The following MMP21 variants were observed in gnomAD, a reference collection of about 807,000 sequenced individuals.
The protein encoded by MMP21 is matrix metalloproteinase-21.
MMP21 carries 40 observed loss-of-function variants against 47.8 expected under a neutral mutation model. The ratio of observed to expected loss-of-function variants is 0.84; its 90% CI spans 0.65 to 1.09. MMP21 has a LOEUF of 1.09. Among genes scored for constraint, MMP21 ranks in the 50% least tolerant of loss-of-function variants. MMP21 has a pLI of 0.00. For missense variants in MMP21, 747 were observed against 775.3 expected (o/e 0.96, Z 0.43); for synonymous variants, 341 against 318.0 (o/e 1.07, Z -0.77).
In MMP21 at chr10:125,772,176, T is replaced by C. The variant is rs376540631; in HGVS notation, c.979+42A>G. 32 of 1,610,556 alleles carry C rather than the reference T, an allele frequency of 2.0e-5. No individual in the cohort carries two copies. The highest frequency in any genetic ancestry group is 6.7e-5 in the African/African-American group (5 of 74,868). On this transcript the variant is annotated intron_variant, in intron 4 of 6. Coordinates refer to ENST00000368808, the MANE Select transcript of MMP21 (RefSeq NM_147191.1). The surrounding 1 kb of genome is among the most constrained non-coding windows in gnomAD (Gnocchi z 5.6). ...GGTCCTACAGTGCTCTGGAATACAG[T>C]GTCCTCCGCTAGCTCAGGGATGCCC...
intron 1 of MMP21, 84 bp downstream of exon 1, chr10:125,775,576 C>G: frequency 6.8e-7 from 1 of 1,469,262 alleles, no homozygotes; most frequent in Non-Finnish European, 9.1e-7. Flanking sequence ...GGCATCCTGG[C>G]CTGTGCCTGT....
intron 5 of MMP21, among the ~76,000 whole-genome samples, chr10:125,769,507 C>G (rs924305702): frequency 6.6e-6 from 1 of 152,192 alleles, no homozygotes; most frequent in African/African-American, 2.4e-5. Flanking sequence ...CACTCCCAAC[C>G]CCACGGCTTC....
chr10:125,766,710 C>G lies in MMP21; in HGVS notation c.1662G>C (p.Glu554Asp), dbSNP rs781234870. The G allele has an allele frequency of 1.2e-6, 2 of 1,613,358 alleles. No individual in the cohort carries two copies. The highest frequency in any genetic ancestry group is 8.5e-7 in the Non-Finnish European group (1 of 1,179,868). Reference protein sequence around the residue: ...NGLFPKKFISEKWFDVCDVHI... With the variant: ...NGLFPKKFISDKWFDVCDVHI... ...GGACGTCACAAACATCAAACCACTT[C>G]TCTGAAATAAACTTTTTTGGAAATA... Residue 554 changes from glutamate (E) to aspartate (D), a missense_variant, in exon 7 of 7, where the codon GAG becomes GAC. Physicochemically the swap from Glu to Asp is conservative, Grantham distance 45 (BLOSUM62 2). Transcript: ENST00000368808.
rs370576985 is a variant in MMP21, at chr10:125,767,659, G to T, written c.1283C>A (p.Thr428Lys). The T allele has an allele frequency of 2.6e-5, 42 of 1,614,076 alleles. No individual in the cohort carries two copies. In the African/African-American group the frequency reaches 5.5e-4, roughly 21 times the overall value. ...ATAGCTTTTTCCTTGTTCATCTTCT[G>T]TGAGGGCCTGATCCTTGTCACTGTC... is the stretch of plus-strand genomic sequence containing the variant. ...RYDSDKDQAL[T>K]EDEQGKSYPK... Residue 428 changes from threonine to lysine, a missense_variant, in exon 6 of 7, where the codon ACA (threonine) becomes AAA (lysine). Physicochemically the swap from Thr to Lys is moderately conservative, Grantham distance 78. Transcript: ENST00000368808.
Position 125,772,897 on chromosome 10 carries a change from G to A in MMP21, c.698-147C>T, listed in dbSNP as rs1850468462. 1.2e-6 allele frequency: 1 copy of A among 811,506 alleles called. No individual in the cohort carries two copies. Among genetic ancestry groups the A allele is most frequent in the Non-Finnish European group, 1.9e-6 (1 of 520,630 alleles). The allele number at this position is 811,506 out of a possible 1,614,324, so 50.3% of individuals were successfully genotyped here. A position where few individuals can be genotyped will look rare whatever the true frequency, so the allele number is the denominator to read the frequency against. The stretch of plus-strand genomic sequence containing the variant: ...TGGATTAAGTCCTCAATGTGCGGAG[G>A]GTGGGAGACGGTTTGTTTGTAAACT... On this transcript the variant is annotated intron_variant, in intron 2 of 6. Transcript: ENST00000368808. The surrounding 1 kb of genome is among the most constrained non-coding windows in gnomAD (Gnocchi z 5.6).
In MMP21 at chr10:125,766,882, A is replaced by G. The variant is rs757238088; in HGVS notation, c.1490T>C (p.Ile497Thr). ...ATTTCTGAAAGGATGATTTTGTGGTATTACTGCTGGAAAAACTTCAGTAAT... is the reference window on the plus strand; with the variant it reads ...ATTTCTGAAAGGATGATTTTGTGGTGTTACTGCTGGAAAAACTTCAGTAAT... ...KRITEVFPAV[I>T]PQNHPFRNID... is the part of the protein sequence containing the mutation. Residue 497 changes from isoleucine to threonine, a missense_variant, in exon 7 of 7, where the codon ATA (isoleucine) becomes ACA (threonine). Transcript: ENST00000368808. 1.2e-6 allele frequency: 2 copies of G among 1,613,190 alleles called. No individual in the cohort carries two copies. The highest frequency in any genetic ancestry group is 2.7e-5 in the African/African-American group (2 of 74,924).
At chr10:125,768,158 CT>C (rs1564762046) in intron 5 of MMP21, among the ~76,000 whole-genome samples, 1 of 152,262 alleles carries the variant, frequency 6.6e-6, no homozygotes, top group South Asian at 2.1e-4. Flanking sequence ...AATCTAAGTT[CT>C]TTTTTTACTG....
At position 125,772,265 on chromosome 10, in the gene MMP21, G is replaced by A. The variant is rs766387306; in HGVS notation, c.932C>T (p.Ala311Val). Residue 311 changes from alanine (A) to valine (V), a missense_variant, in exon 4 of 7, where the codon GCC (alanine) becomes GTC (valine). Physicochemically the swap from Ala to Val is moderately conservative, Grantham distance 64 (BLOSUM62 0). Coordinates refer to ENST00000368808, the MANE Select transcript of MMP21 (RefSeq NM_147191.1). This position sits in a 1 kb window ranked among gnomAD's most constrained non-coding sequence, Gnocchi z 5.6. ...CCTGTCTGACCAGTCCAACTCAAAG[G>A]CAGGCTCCTGGGGAATGTAATTTGG... ...MQPNYIPQEP[A>V]FELDWSDRKA... The A allele has an allele frequency of 3.1e-6, 5 of 1,614,070 alleles. No individual in the cohort carries two copies. In the African/African-American group the frequency reaches 4.0e-5, roughly 13 times the overall value.
Position 125,774,143 on chromosome 10 carries a change from C to A in MMP21, c.385G>T (p.Ala129Ser). The change falls in exon 2 of 7, where the codon GCC becomes TCC. Residue 129 changes from alanine (A) to serine (S), a missense_variant. By Grantham distance (99) the Ala-to-Ser change is moderately conservative. Coordinates refer to ENST00000368808, the MANE Select transcript of MMP21 (RefSeq NM_147191.1). ...VPDMRPPPPS[A>S]PPSPPGPPPR... Reference sequence around the variant, plus strand: ...GGCGGGCCCGGGGGCGAAGGCGGGGCGGAGGGGGGCGGTGGGCGCATGTCC... The same window carrying A: ...GGCGGGCCCGGGGGCGAAGGCGGGGAGGAGGGGGGCGGTGGGCGCATGTCC... The A allele has an allele frequency of 7.8e-7, 1 of 1,278,036 alleles. No homozygotes were observed. The highest frequency in any genetic ancestry group is 9.8e-7 in the Non-Finnish European group (1 of 1,016,040). The allele number at this position is 1,278,036 out of a possible 1,614,324, so 79.2% of individuals were successfully genotyped here.
Position 125,773,999 on chromosome 10 carries a change from T to G in MMP21, c.529A>C (p.Ser177Arg). 1 of 1,553,316 alleles carries G rather than the reference T, an allele frequency of 6.4e-7. No individual in the cohort carries two copies. The highest frequency in any genetic ancestry group is 1.4e-5 in the African/African-American group (1 of 71,398). Residue 177 changes from serine to arginine, a missense_variant, in exon 2 of 7, where the codon AGC (serine) becomes CGC (arginine). Physicochemically the swap from Ser to Arg is moderately radical, Grantham distance 110. Coordinates refer to ENST00000368808, the MANE Select transcript of MMP21 (RefSeq NM_147191.1). This position sits in a 1 kb window ranked among gnomAD's most constrained non-coding sequence, Gnocchi z 4.8. The part of the protein sequence containing the change: ...AAQAFSKRTL[S>R]WRLLGEALSS... The stretch of plus-strand genomic sequence containing the variant: ...AGGGCCTCGCCCAGCAGCCGCCAGC[T>G]CAGCGTCCTCTTGGAGAAGGCCTGG...
intron 4 of MMP21, among the ~76,000 whole-genome samples, chr10:125,771,553 G>A (rs1306622359): frequency 6.6e-6 from 1 of 152,070 alleles, no homozygotes; most frequent in Non-Finnish European, 1.5e-5. Flanking sequence ...ACAGGCGTGT[G>A]CCACCATGTC....
At chr10:125,767,476 C>T (rs1462419669) in intron 6 of MMP21, 56 bp downstream of exon 6, 18 of 1,514,676 alleles carry the variant, frequency 1.2e-5, no homozygotes, top group African/African-American at 5.5e-5. Context: ...GGTCATCTGA[C>T]GAATCTCTAT....
Position 125,767,663 on chromosome 10 carries a change from G to A in MMP21, c.1279C>T (p.Leu427Phe). 1 of 1,614,166 alleles carries A rather than the reference G, an allele frequency of 6.2e-7. No homozygotes were observed. ...CTTTTTCCTTGTTCATCTTCTGTGA[G>A]GGCCTGATCCTTGTCACTGTCATAT... ...WRYDSDKDQA[L>F]TEDEQGKSYP... Residue 427 changes from leucine (L) to phenylalanine (F), a missense_variant, in exon 6 of 7, where the codon CTC becomes TTC. Transcript: ENST00000368808.
At chr10:125,768,222 C>G (rs1352383824) in intron 5 of MMP21, among the ~76,000 whole-genome samples, 1 of 152,114 alleles carries the variant, frequency 6.6e-6, no homozygotes, top group Admixed American at 6.6e-5. Context: ...TTAGAGTCCC[C>G]TAGTCCCACC....
rs1850452519 is a variant in MMP21, at chr10:125,772,100, G to A, written c.979+118C>T. Reference sequence around the variant, plus strand: ...GGGTGGCTACCCTTGGGTGACATGAGTTGTACAACGTTGCGCTCTTAGGCC... The same window carrying A: ...GGGTGGCTACCCTTGGGTGACATGAATTGTACAACGTTGCGCTCTTAGGCC... On this transcript the variant is annotated intron_variant, in intron 4 of 6. Transcript: ENST00000368808. The surrounding 1 kb of genome is among the most constrained non-coding windows in gnomAD (Gnocchi z 5.6). The A allele has an allele frequency of 8.1e-7, 1 of 1,238,248 alleles. No individual in the cohort carries two copies. Among genetic ancestry groups the A allele is most frequent in the Admixed American group, 2.1e-5 (1 of 48,752 alleles). The allele number at this position is 1,238,248 out of a possible 1,614,324, so 76.7% of individuals were successfully genotyped here.
rs1351565882 is a variant in MMP21 at position 125,766,633 on chromosome 10, T to A, written c.*29A>T. The A allele has an allele frequency of 6.4e-7, 1 of 1,551,880 alleles. No homozygotes were observed. The highest frequency in any genetic ancestry group is 1.4e-5 in the African/African-American group (1 of 72,680). On this transcript the variant is annotated 3_prime_UTR_variant, in exon 7 of 7. Transcript: ENST00000368808. ...CAGTATCAGAATTTTAGCGAAGTCC[T>A]ATGACCCTCCATTTCCTACTTTTTC...
chr10:125,774,943 G>T lies in MMP21; in HGVS notation c.163-578C>A, dbSNP rs748379154. 1.3e-5 allele frequency among the ~76,000 whole-genome samples: 2 copies of T among 152,298 alleles called. 1 individual carries two copies. Among genetic ancestry groups the T allele is most frequent in the Admixed American group, 1.3e-4 (2 of 15,306 alleles). ...GGACCTGGGGGGCTTCCTCATGGCCGCACAGCGGGAGGGAGGTCAGCGGCC... is the reference window on the plus strand; with the variant it reads ...GGACCTGGGGGGCTTCCTCATGGCCTCACAGCGGGAGGGAGGTCAGCGGCC... On this transcript the variant is annotated intron_variant, in intron 1 of 6. Transcript: ENST00000368808.
At chr10:125,771,847 A>AG (rs1850449334) in intron 4 of MMP21, among the ~76,000 whole-genome samples, 1 of 152,158 alleles carries the variant, frequency 6.6e-6, no homozygotes. Context: ...TATCCTGGCC[A>AG]GGCTAAGCTC....
chr10:125,766,930 AC>A lies in MMP21; in HGVS notation c.1441del (p.Val481TyrfsTer16). 1 of 1,599,350 alleles carries A rather than the reference AC, an allele frequency of 6.3e-7. No homozygotes were observed. Among genetic ancestry groups the A allele is most frequent in the Admixed American group, 1.8e-5 (1 of 56,166 alleles). On this transcript the variant is annotated frameshift_variant, in exon 7 of 7. Transcript: ENST00000368808. LOFTEE classifies it low-confidence loss of function (END_TRUNC). The part of the protein sequence containing the change: ...VFAFDVNRNR[V>X]LNSYPKRITE... ...AATCCTCTTTGGATAAGAATTAAGT[AC>A]TCGATTTCTGTTGACATCAAATGCA...
Sources: gnomAD v4.1 joint callset for allele counts (sites outside exome capture counted in the v4.1 genomes callset) on GRCh38, gnomAD v4.1.1 for gene constraint, Gnocchi (gnomAD v3.1) non-coding constraint, MANE v1.5 for transcripts, NCBI Gene and HGNC (gene_info 2026-07-23, HGNC 2026-07-21) for gene names.